MAML3: variants seen among roughly 807,000 people sequenced by gnomAD.
MAML3 encodes mastermind like transcriptional coactivator 3.
Under a neutral mutation model 101.9 loss-of-function variants are expected in MAML3, and 27 were observed. The observed-to-expected ratio is 0.27, with a 90% CI of 0.20 to 0.37. The LOEUF (loss-of-function observed/expected upper bound fraction) is 0.37, where lower values mean the gene tolerates loss of function less well. Ranked by LOEUF, MAML3 falls within the 10% of genes least tolerant of loss-of-function variation. The pLI is 1.00. For missense variants in MAML3, 1,316 were observed against 1,444.9 expected, an observed-to-expected ratio of 0.91 and a Z score of 1.45; for synonymous variants, 501 against 555.9, an observed-to-expected ratio of 0.90 and a Z score of 1.39.
chr4:140,010,402 G>A (rs1726530738), intron 1 of MAML3, among the ~76,000 whole-genome samples: 2 of 152,134 alleles, frequency 1.3e-5, no homozygotes, highest in South Asian at 2.1e-4. Context: ...AAATGTCAGC[G>A]TTCATTGAAA....
At chr4:139,726,110 C>T (rs1350147015) in intron 3 of MAML3, among the ~76,000 whole-genome samples, 1 of 152,186 alleles carries the variant, frequency 6.6e-6, no homozygotes, top group Non-Finnish European at 1.5e-5. Flanking sequence ...CTCCCTTGAC[C>T]CATGGGCATC....
intron 2 of MAML3, among the ~76,000 whole-genome samples, chr4:139,837,130 AAAAAAAAAAG>A (rs1731268504): frequency 6.6e-6 from 1 of 150,810 alleles, no homozygotes; most frequent in African/African-American, 2.4e-5. Flanking sequence ...CTCAAAAAAA[AAAAAAAAAAG>A]AAAAGAAAAG....
chr4:139,995,655 A>G (rs1037171273), intron 1 of MAML3, among the ~76,000 whole-genome samples: 13 of 152,086 alleles, frequency 8.5e-5, no homozygotes, highest in Admixed American at 7.2e-4. Flanking sequence ...ATTATTTTAA[A>G]TTCTGTTGGG....
At chr4:139,976,438 C>A (rs2110801159) in intron 1 of MAML3, among the ~76,000 whole-genome samples, 1 of 152,228 alleles carries the variant, frequency 6.6e-6, no homozygotes, top group East Asian at 1.9e-4. Flanking sequence ...AGAGCCACAG[C>A]AAGAAAGTAC....
chr4:140,039,307 A>T (rs1439414404), intron 1 of MAML3, among the ~76,000 whole-genome samples: 1 of 151,914 alleles, frequency 6.6e-6, no homozygotes, highest in African/African-American at 2.4e-5. Context: ...TCATGTCCCA[A>T]CCTGTCTGCT....
At chr4:139,997,232 T>C (rs1734835507) in intron 1 of MAML3, among the ~76,000 whole-genome samples, 1 of 151,620 alleles carries the variant, frequency 6.6e-6, no homozygotes, top group Non-Finnish European at 1.5e-5. Context: ...CTTTTTTTTG[T>C]AGTTGTTCCT....
At chr4:140,032,902 G>A (rs1459539152) in intron 1 of MAML3, among the ~76,000 whole-genome samples, 1 of 146,846 alleles carries the variant, frequency 6.8e-6, no homozygotes, top group African/African-American at 2.5e-5. Flanking sequence ...AAAAAAAAGT[G>A]AGAGAATGCA....
intron 1 of MAML3, among the ~76,000 whole-genome samples, chr4:140,085,322 C>G (rs1727934044): frequency 6.6e-6 from 1 of 152,150 alleles, no homozygotes. Flanking sequence ...GTGGAGCAGC[C>G]AGTAACTTCA....
chr4:139,775,145 C>T (rs1015363484), intron 2 of MAML3, among the ~76,000 whole-genome samples: 3 of 152,328 alleles, frequency 2.0e-5, no homozygotes, highest in South Asian at 2.1e-4. Context: ...TTTTATACTG[C>T]TCCTTCCTTA....
At chr4:139,747,565 G>C (rs1408327898) in intron 2 of MAML3, among the ~76,000 whole-genome samples, 2 of 151,876 alleles carry the variant, frequency 1.3e-5, no homozygotes, top group Admixed American at 1.3e-4. Context: ...GTGGTGGTGT[G>C]TGCCTGTAAT....
chr4:139,923,504 A>G (rs918114103), intron 1 of MAML3, among the ~76,000 whole-genome samples: 5 of 152,196 alleles, frequency 3.3e-5, no homozygotes, highest in Admixed American at 6.5e-5. Flanking sequence ...GGAAATATGG[A>G]TAAGTGCATT....
Position 140,120,236 on chromosome 4 carries a change from CAAAAAA to C in MAML3, c.468+32618_468+32623del, listed in dbSNP as rs35845014. On this transcript the variant is annotated intron_variant, in intron 1 of 4. Transcript: ENST00000509479. ...TGGGCGACAGAGCGAGACTCCGTCT[CAAAAAA>C]AAAAAAAAAAAAAAGCTAACCAAAG... Among the ~76,000 whole-genome samples the C allele has an allele frequency of 1.4e-4, 13 of 90,070 alleles. 1 individual carries two copies. The East Asian group carries it at 4.0e-3, about 27-fold the overall frequency. The allele number at this position is 90,070 out of a possible 152,430, so 59.1% of individuals were successfully genotyped here.
At chr4:139,721,161 T>C (rs1208528973) in intron 4 of MAML3, among the ~76,000 whole-genome samples, 3 of 152,202 alleles carry the variant, frequency 2.0e-5, no homozygotes, top group African/African-American at 7.2e-5. Flanking sequence ...TCTCAGCAAA[T>C]TGCTAACACA....
At position 140,031,128 on chromosome 4, in the gene MAML3, A is replaced by G. The variant is rs1578650895; in HGVS notation, c.468+121732T>C. Among the ~76,000 whole-genome samples the G allele has an allele frequency of 2.6e-5, 4 of 152,296 alleles. No individual in the cohort carries two copies. In the South Asian group the frequency reaches 8.3e-4, roughly 32 times the overall value. On this transcript the variant is annotated intron_variant, in intron 1 of 4. Coordinates refer to ENST00000509479, the MANE Select transcript of MAML3 (RefSeq NM_018717.5). ...AGTTATGATTACTCTCCTTAGTCCCACTATATTAGAAAAAAATTTAAAGGG... is the reference window on the plus strand; with the variant it reads ...AGTTATGATTACTCTCCTTAGTCCCGCTATATTAGAAAAAAATTTAAAGGG...
chr4:140,070,803 C>T (rs1296862472), intron 1 of MAML3, among the ~76,000 whole-genome samples: 1 of 152,220 alleles, frequency 6.6e-6, no homozygotes, highest in Admixed American at 6.5e-5. Context: ...GAGACTTGCA[C>T]ACACACAAAT....
At position 140,091,537 on chromosome 4, in the gene MAML3, C is replaced by CAAAAAAAAAAA. The variant is rs570700966; in HGVS notation, c.468+61322_468+61323insTTTTTTTTTTT. ...TGTAAAACAAAACAAAACAACAAAA[C>CAAAAAAAAAAA]AAAAACAAAACAAAAAAAAAAAACA... On this transcript the variant is annotated intron_variant, in intron 1 of 4. Coordinates refer to ENST00000509479, the MANE Select transcript of MAML3 (RefSeq NM_018717.5). Among the ~76,000 whole-genome samples the CAAAAAAAAAAA allele has an allele frequency of 1.5e-3, 104 of 71,464 alleles. 5 individuals carry two copies. Among genetic ancestry groups the CAAAAAAAAAAA allele is most frequent in the East Asian group, 1.7e-3 (3 of 1,722 alleles). The allele number at this position is 71,464 out of a possible 152,430, so 46.9% of individuals were successfully genotyped here.
chr4:139,922,318 T>A (rs1266015042), intron 1 of MAML3, among the ~76,000 whole-genome samples: 11 of 152,140 alleles, frequency 7.2e-5, no homozygotes, highest in Non-Finnish European at 5.9e-5. Context: ...TAAGCACTCA[T>A]ATTTAAAAAA....
At chr4:139,818,779 A>G (rs1560803489) in intron 2 of MAML3, among the ~76,000 whole-genome samples, 1 of 152,204 alleles carries the variant, frequency 6.6e-6, no homozygotes, top group Non-Finnish European at 1.5e-5. Context: ...ACCCCAAAAC[A>G]TTCACTACTA....
At chr4:139,723,629 C>T (rs549199918) in intron 4 of MAML3, among the ~76,000 whole-genome samples, 21 of 152,210 alleles carry the variant, frequency 1.4e-4, no homozygotes, top group African/African-American at 5.1e-4. Context: ...AAGTTTTTAA[C>T]TGGACCCAAA....
Sources: allele counts gnomAD v4.1 joint callset (sites outside exome capture counted in the v4.1 genomes callset), GRCh38; gene constraint gnomAD v4.1.1; transcripts MANE v1.5; gene names NCBI Gene and HGNC (gene_info 2026-07-23, HGNC 2026-07-21).